Variants in HOXC4 observed in about 807,000 individuals in gnomAD.
The protein encoded by HOXC4 is homeobox C4, also known as homeobox protein Hox-C4.
Under a neutral mutation model 25.5 loss-of-function variants are expected in HOXC4, and 15 were observed. The observed-to-expected ratio is 0.59, with a 90% confidence interval of 0.39 to 0.91. The LOEUF (loss-of-function observed/expected upper bound fraction) is 0.91. HOXC4 is among the 40% of genes least tolerant of loss of function. HOXC4 has a pLI of 0.00. For synonymous variants in HOXC4, 165 were observed against 148.0 expected (o/e 1.11, Z -0.83); for missense variants, 342 against 352.4 (o/e 0.97, Z 0.24).
At chr12:54,033,241 A>C in intron 1 of HOXC4, 1 of 1,614,162 alleles carries the variant, frequency 6.2e-7, no homozygotes, top group South Asian at 1.1e-5. Flanking sequence ...AGGTACTGCT[A>C]CGGCGGATTG....
chr12:54,027,709 G>A (rs1449652939), intron 1 of HOXC4, among the ~76,000 whole-genome samples: 2 of 152,152 alleles, frequency 1.3e-5, no homozygotes, highest in Non-Finnish European at 2.9e-5. Flanking sequence ...GTCCTGAGAA[G>A]GAGGCAGAAG....
chr12:54,019,183 C>T (rs1180886700), intron 1 of HOXC4, among the ~76,000 whole-genome samples: 1 of 135,816 alleles, frequency 7.4e-6, no homozygotes, highest in Non-Finnish European at 1.6e-5. Context: ...CCCCACCCCC[C>T]CACCCCCAGT....
chr12:54,053,833 G>A (rs923358050), upstream of HOXC4: 2 of 1,013,982 alleles, frequency 2.0e-6, no homozygotes, highest in Admixed American at 2.1e-5. Flanking sequence ...CATGGTGAAA[G>A]TAACTTTACA....
rs1315601337 is a variant in HOXC4 at position 54,055,419 on chromosome 12, C to G, written c.*214C>G. On this transcript the variant is annotated 3_prime_UTR_variant, in exon 2 of 2. Coordinates refer to ENST00000430889, the MANE Select transcript of HOXC4 (RefSeq NM_153633.3). ...TCCTCTCCCTCCCACTGTTAAGGAC[C>G]CTTTTAAGCATGTGATGTTGTCTTA... is the stretch of plus-strand genomic sequence containing the variant. The G allele has an allele frequency of 5.2e-6, 1 of 191,296 alleles. No homozygotes were observed. Among genetic ancestry groups the G allele is most frequent in the Non-Finnish European group, 1.0e-5 (1 of 96,158 alleles). 11.8% of individuals were successfully genotyped at this position (191,296 alleles called of 1,614,324 possible). A position where few individuals can be genotyped will look rare whatever the true frequency, so the allele number is the denominator to read the frequency against.
chr12:54,046,583 G>A (rs1937711715), intron 1 of HOXC4, among the ~76,000 whole-genome samples: 1 of 151,910 alleles, frequency 6.6e-6, no homozygotes, highest in South Asian at 2.1e-4. Flanking sequence ...TTGCTGCCTC[G>A]TTAGAAAAGA....
upstream of HOXC4, among the ~76,000 whole-genome samples, chr12:54,049,615 A>G (rs1937797866): frequency 6.6e-6 from 1 of 151,798 alleles, no homozygotes; most frequent in South Asian, 2.1e-4. Flanking sequence ...TGACACATCC[A>G]GGTTATTAAA....
At chr12:54,034,095 C>T (rs1941104881) in intron 1 of HOXC4, 4 of 721,870 alleles carry the variant, frequency 5.5e-6, no homozygotes, top group Non-Finnish European at 1.0e-5. Context: ...AGTTTCCTGC[C>T]TGGGCGGAGG....
intron 1 of HOXC4, among the ~76,000 whole-genome samples, chr12:54,035,921 G>A (rs1271043848): frequency 6.6e-6 from 1 of 152,178 alleles, no homozygotes; most frequent in Non-Finnish European, 1.5e-5. Flanking sequence ...TGGGGAAGAG[G>A]GAGCAGGGAG....
upstream of HOXC4, among the ~76,000 whole-genome samples, chr12:54,052,470 G>A (rs140231226): frequency 1.3e-5 from 2 of 152,190 alleles, no homozygotes; most frequent in East Asian, 3.9e-4. Flanking sequence ...AAGGGGACCC[G>A]GCTCCCTCCC....
chr12:54,028,932 C>T (rs200862396), intron 1 of HOXC4: 2 of 1,598,964 alleles, frequency 1.3e-6, no homozygotes, highest in East Asian at 2.2e-5. Flanking sequence ...GTGAGTTTTA[C>T]AGCTCCGAGA....
upstream of HOXC4, chr12:54,053,498 CCGAGGCCCA>C (rs1937893802): frequency 5.6e-6 from 1 of 178,080 alleles, no homozygotes; most frequent in African/African-American, 2.4e-5. Context: ...AGCTCAGGAG[CCGAGGCCCA>C]CGGGGCCCAG....
At position 54,054,682 on chromosome 12, in the gene HOXC4, C is replaced by T. The variant is rs555455893; in HGVS notation, c.440-168C>T. On this transcript the variant is annotated intron_variant, in intron 1 of 1. Coordinates refer to ENST00000430889, the MANE Select transcript of HOXC4 (RefSeq NM_153633.3). ...CAATGAGGATTCCCCTCTTATTACA[C>T]TACAAAGTCTTCAGCTTCCTTCAAC... 4.6e-5 allele frequency among the ~76,000 whole-genome samples: 7 copies of T among 152,214 alleles called. No individual in the cohort carries two copies. In the South Asian group the frequency reaches 1.0e-3, roughly 23 times the overall value.
intron 1 of HOXC4, chr12:54,034,661 A>G (rs1941134090): frequency 3.3e-6 from 2 of 609,928 alleles, no homozygotes; most frequent in Non-Finnish European, 5.7e-6. Context: ...ATCCCTACCG[A>G]CCCAGGGTTC....
chr12:54,028,974 A>G, intron 1 of HOXC4: 3 of 1,519,672 alleles, frequency 2.0e-6, no homozygotes, highest in Non-Finnish European at 2.6e-6. Flanking sequence ...TGGCTTTATG[A>G]CCGGCTTCCC....
intron 1 of HOXC4, among the ~76,000 whole-genome samples, chr12:54,038,868 CT>C (rs1941228474): frequency 6.6e-6 from 1 of 151,996 alleles, no homozygotes. Context: ...AGAGTAGCCC[CT>C]CGGGGATGGA....
chr12:54,039,533 A>T lies in HOXC4; in HGVS notation c.-123-13627A>T, dbSNP rs73112555. Among the ~76,000 whole-genome samples, 378 of 151,730 alleles carry T rather than the reference A, an allele frequency of 2.5e-3. 2 individuals are homozygous for T. Among genetic ancestry groups the T allele is most frequent in the Non-Finnish European group, 2.3e-3 (154 of 67,902 alleles). ...AGCCTCCCCCACCCTCCTCCCTGAT[A>T]CCTTTATTTTCCTAGGATCCCAGGG... On this transcript the variant is annotated intron_variant, in intron 1 of 3. Coordinates refer to the HOXC4 transcript ENST00000303406.
In HOXC4 at chr12:54,034,124, G is replaced by A. The variant is rs555630580; in HGVS notation, c.-124+16710G>A. The A allele has an allele frequency of 3.9e-6, 3 of 766,066 alleles. No individual in the cohort carries two copies. In the African/African-American group the frequency reaches 5.1e-5, roughly 13 times the overall value. 47.5% of individuals were successfully genotyped at this position (766,066 alleles called of 1,614,324 possible). A position where few individuals can be genotyped will look rare whatever the true frequency, so the allele number is the denominator to read the frequency against. On this transcript the variant is annotated intron_variant, in intron 1 of 3. Coordinates refer to the HOXC4 transcript ENST00000303406. ...GCGGAGGCGCCTCTCCCGGGGCTGG[G>A]CTGGGCTGGCCCGCCTGCGGCCCGC... is the stretch of plus-strand genomic sequence containing the variant.
intron 1 of HOXC4, chr12:54,020,834 G>A (rs1778960792): frequency 6.6e-6 from 1 of 152,188 alleles, no homozygotes; most frequent in African/African-American, 2.4e-5. Context: ...AGACCTTATT[G>A]CTTTTGTTGC....
chr12:54,041,712 T>C (rs1011551115), intron 1 of HOXC4, among the ~76,000 whole-genome samples: 1 of 152,236 alleles, frequency 6.6e-6, no homozygotes, highest in Non-Finnish European at 1.5e-5. Flanking sequence ...GTTTCACTCT[T>C]GTCGCCCCGG....
Sources: gnomAD v4.1 joint callset for allele counts (sites outside exome capture counted in the v4.1 genomes callset) on GRCh38, gnomAD v4.1.1 for gene constraint, MANE v1.5 for transcripts, NCBI Gene and HGNC (gene_info 2026-07-23, HGNC 2026-07-21) for gene names.